NEGR1: variants seen among roughly 807,000 people sequenced by gnomAD.
NEGR1 encodes the protein IgLON family member 4.
A neutral mutation model predicts 40.9 loss-of-function variants in NEGR1; 10 were observed. The observed-to-expected ratio is 0.24, with a 90% CI of 0.15 to 0.42. The LOEUF is 0.42. NEGR1 is among the 10% of genes least tolerant of loss of function. NEGR1 has a pLI of 1.00. For missense variants in NEGR1, 352 were observed against 438.9 expected (o/e 0.80, Z 1.77); for synonymous variants, 185 against 166.8 (o/e 1.11, Z -0.84).
At chr1:71,765,277 C>A (rs1656082624) in intron 3 of NEGR1, among the ~76,000 whole-genome samples, 1 of 152,086 alleles carries the variant, frequency 6.6e-6, no homozygotes, top group Non-Finnish European at 1.5e-5. Flanking sequence ...GCCTCATTTG[C>A]CATATTCACC....
chr1:71,549,882 A>G (rs1648020741), intron 6 of NEGR1, among the ~76,000 whole-genome samples: 1 of 151,710 alleles, frequency 6.6e-6, no homozygotes, highest in Admixed American at 6.6e-5. Flanking sequence ...AGAGCCAGGC[A>G]TATAGCAAGT....
chr1:72,195,189 C>T (rs1163535618), intron 1 of NEGR1, among the ~76,000 whole-genome samples: 2 of 151,942 alleles, frequency 1.3e-5, no homozygotes, highest in Non-Finnish European at 2.9e-5. Flanking sequence ...TTTTAAACAA[C>T]CACAACAAAA....
At chr1:72,136,533 T>C (rs772390149) in intron 1 of NEGR1, among the ~76,000 whole-genome samples, 39 of 149,926 alleles carry the variant, frequency 2.6e-4, no homozygotes, top group Non-Finnish European at 5.0e-4. Context: ...AAAAATGACT[T>C]CCAGAAATAA....
chr1:72,263,920 C>T (rs1655551866), intron 1 of NEGR1, among the ~76,000 whole-genome samples: 1 of 151,370 alleles, frequency 6.6e-6, no homozygotes, highest in East Asian at 1.9e-4. Context: ...TTCATTTCCC[C>T]TTAGATGTTT....
At position 71,906,470 on chromosome 1, in the gene NEGR1, C is replaced by G. The variant is rs147345388; in HGVS notation, c.409+28609G>C. 2.5e-3 allele frequency among the ~76,000 whole-genome samples: 366 copies of G among 146,800 alleles called. 10 individuals are homozygous for G. The highest frequency in any genetic ancestry group is 0.02 in the Admixed American group (305 of 14,880). On this transcript the variant is annotated intron_variant, in intron 2 of 6. Transcript: ENST00000357731. The stretch of plus-strand genomic sequence containing the variant: ...TGAGAATATGAATAATTTCCCTGGC[C>G]AAGGATTAAAAAAAAAAAAAAAGTT...
chr1:71,798,482 G>C (rs1045135953), intron 2 of NEGR1, among the ~76,000 whole-genome samples: 8 of 152,052 alleles, frequency 5.3e-5, no homozygotes, highest in Admixed American at 1.3e-4. Context: ...ATAATAACTA[G>C]CATTAATTAT....
At chr1:72,036,240 C>CGTAT (rs1468932118) in intron 1 of NEGR1, among the ~76,000 whole-genome samples, 49 of 152,194 alleles carry the variant, frequency 3.2e-4, no homozygotes, top group African/African-American at 1.1e-3. Context: ...TTTCATATAG[C>CGTAT]TTATTTATTT....
rs948407807 is a variant in NEGR1 at position 71,527,098 on chromosome 1, T to A, written c.940+65719A>T. ...CTGAGTTTGAAGAGTGCATTACACA[T>A]ATTTCTCTTATAGCACATATTGTAT... On this transcript the variant is annotated intron_variant, in intron 6 of 6. Coordinates refer to ENST00000357731, the MANE Select transcript of NEGR1 (RefSeq NM_173808.3). Among the ~76,000 whole-genome samples the A allele has an allele frequency of 2.6e-5, 4 of 151,576 alleles. 1 individual carries two copies. Among genetic ancestry groups the A allele is most frequent in the African/African-American group, 7.3e-5 (3 of 41,354 alleles).
At chr1:72,097,679 T>C (rs962143628) in intron 1 of NEGR1, among the ~76,000 whole-genome samples, 9 of 152,220 alleles carry the variant, frequency 5.9e-5, no homozygotes, top group African/African-American at 1.7e-4. Context: ...GGGAAGAATA[T>C]TACATGCTGT....
At chr1:72,095,915 T>G (rs1426648298) in intron 1 of NEGR1, among the ~76,000 whole-genome samples, 1 of 152,180 alleles carries the variant, frequency 6.6e-6, no homozygotes, top group African/African-American at 2.4e-5. Context: ...CCTTTCCACT[T>G]TTAATCTCTG....
At chr1:71,940,616 C>T (rs994781702) in intron 1 of NEGR1, among the ~76,000 whole-genome samples, 1 of 152,006 alleles carries the variant, frequency 6.6e-6, no homozygotes, top group Non-Finnish European at 1.5e-5. Context: ...TTTAGGGGCC[C>T]CCTTAAAGGA....
intron 4 of NEGR1, among the ~76,000 whole-genome samples, chr1:71,630,279 A>G (rs925248715): frequency 3.9e-5 from 6 of 151,942 alleles, no homozygotes; most frequent in Non-Finnish European, 8.8e-5. Context: ...GCCTATTAGA[A>G]GCAGTTTATG....
At chr1:72,164,191 G>C (rs1458254587) in intron 1 of NEGR1, among the ~76,000 whole-genome samples, 1 of 151,826 alleles carries the variant, frequency 6.6e-6, no homozygotes, top group Non-Finnish European at 1.5e-5. Flanking sequence ...ACCTTGTTGT[G>C]AACAACTGCT....
chr1:71,659,768 A>G (rs1399772904), intron 4 of NEGR1, among the ~76,000 whole-genome samples: 1 of 152,206 alleles, frequency 6.6e-6, no homozygotes, highest in East Asian at 1.9e-4. Flanking sequence ...AATCAAAGCC[A>G]CAATGAGATG....
chr1:71,686,768 T>C (rs1653054409), intron 4 of NEGR1, among the ~76,000 whole-genome samples: 1 of 152,156 alleles, frequency 6.6e-6, no homozygotes, highest in African/African-American at 2.4e-5. Flanking sequence ...ACAACTTGAC[T>C]CCTAAAGAAT....
chr1:71,614,757 C>A (rs996820190), intron 4 of NEGR1, among the ~76,000 whole-genome samples: 1 of 152,072 alleles, frequency 6.6e-6, no homozygotes, highest in Non-Finnish European at 1.5e-5. Context: ...GCCTGAAAAC[C>A]GGAACATTGC....
chr1:71,739,211 A>AC (rs1408544124), intron 3 of NEGR1, among the ~76,000 whole-genome samples: 79 of 147,228 alleles, frequency 5.4e-4, no homozygotes, highest in Non-Finnish European at 6.1e-4. Flanking sequence ...AAAAAAAAAA[A>AC]AAAAAACAAA....
At chr1:71,732,064 T>G (rs1654890487) in intron 3 of NEGR1, among the ~76,000 whole-genome samples, 1 of 152,098 alleles carries the variant, frequency 6.6e-6, no homozygotes, top group South Asian at 2.1e-4. Context: ...ACATTTATAA[T>G]CCCAGCATTT....
intron 1 of NEGR1, among the ~76,000 whole-genome samples, chr1:72,064,347 TC>T (rs989535852): frequency 1.3e-5 from 2 of 151,988 alleles, no homozygotes; most frequent in African/African-American, 4.8e-5. Flanking sequence ...CCTCTAATCC[TC>T]TCCCCAGGCA....
Sources: allele counts gnomAD v4.1 joint callset (sites outside exome capture counted in the v4.1 genomes callset), GRCh38; gene constraint gnomAD v4.1.1; transcripts MANE v1.5; gene names NCBI Gene and HGNC (gene_info 2026-07-23, HGNC 2026-07-21).